Variants in MTUS1 observed in about 807,000 individuals in gnomAD.
MTUS1 encodes the protein microtubule associated scaffold protein 1.
Under a neutral mutation model 120.8 loss-of-function variants are expected in MTUS1, and 109 were observed. The ratio of observed to expected loss-of-function variants is 0.90; its 90% CI spans 0.77 to 1.06. MTUS1 has a LOEUF of 1.06. MTUS1 is among the 50% of genes least tolerant of loss of function. The probability of loss-of-function intolerance (pLI) is 0.00; values close to 1 mark genes in which losing one functional copy is unlikely to be tolerated. For missense variants in MTUS1, 2,210 were observed against 1,486.3 expected, an observed-to-expected ratio of 1.49 and a Z score of -8.01; for synonymous variants, 737 against 550.5, an observed-to-expected ratio of 1.34 and a Z score of -4.74.
chr8:17,690,556 AAC>A (rs1816749799), intron 6 of MTUS1, among the ~76,000 whole-genome samples: 3 of 152,190 alleles, frequency 2.0e-5, no homozygotes, highest in South Asian at 2.1e-4. Flanking sequence ...GGAAAAGAAA[AAC>A]ACAGACTATC....
intron 2 of MTUS1, among the ~76,000 whole-genome samples, chr8:17,748,658 G>A (rs1189005100): frequency 6.6e-6 from 1 of 152,170 alleles, no homozygotes; most frequent in South Asian, 2.1e-4. Flanking sequence ...GCTCCTGCCG[G>A]TGCTCAAAGT....
intron 14 of MTUS1, 26 bp downstream of exon 14, chr8:17,646,956 G>A: frequency 6.4e-7 from 1 of 1,572,686 alleles, no homozygotes; most frequent in African/African-American, 1.3e-5. Context: ...GGGAGCTCGG[G>A]AGAAACAGCA....
chr8:17,677,605 G>A (rs1313125408), intron 7 of MTUS1, among the ~76,000 whole-genome samples: 1 of 152,126 alleles, frequency 6.6e-6, no homozygotes, highest in African/African-American at 2.4e-5. Context: ...GAGGTTTTGG[G>A]AAAGGGAGTT....
At chr8:17,730,699 G>C (rs182604705) in intron 3 of MTUS1, among the ~76,000 whole-genome samples, 1 of 152,150 alleles carries the variant, frequency 6.6e-6, no homozygotes, top group Admixed American at 6.5e-5. Context: ...TGAACCTTGA[G>C]GACACGGTGC....
chr8:17,654,649 A>G lies in MTUS1; in HGVS notation c.3126T>C (p.Ala1042=). Residue 1042 remains alanine, a synonymous_variant, in exon 10 of 15, where the codon GCT becomes GCC. Transcript: ENST00000693296. The part of the protein sequence containing the change: ...QLQEQFDNLN[A]AHETSKLEIE... Reference sequence around the variant, plus strand: ...TTTCCAACTTAGAGGTTTCATGCGCAGCATTTAAGTTGTCAAACTGTAAGC... The same window carrying G: ...TTTCCAACTTAGAGGTTTCATGCGCGGCATTTAAGTTGTCAAACTGTAAGC... 1.9e-6 allele frequency: 3 copies of G among 1,613,844 alleles called. No homozygotes were observed. Among genetic ancestry groups the G allele is most frequent in the Non-Finnish European group, 2.5e-6 (3 of 1,179,646 alleles).
At chr8:17,724,012 A>G (rs2046028785) in intron 3 of MTUS1, 179 bp from the exon 4 acceptor site, 1 of 594,912 alleles carries the variant, frequency 1.7e-6, no homozygotes, top group Non-Finnish European at 2.9e-6. Context: ...TTTATTTTTG[A>G]TCATTTAGAG....
chr8:17,677,385 C>A (rs34174450), intron 7 of MTUS1, among the ~76,000 whole-genome samples: 3 of 151,920 alleles, frequency 2.0e-5, no homozygotes, highest in African/African-American at 7.3e-5. Flanking sequence ...ATTTGGTGAA[C>A]TTGCTTAAAA....
intron 8 of MTUS1, among the ~76,000 whole-genome samples, chr8:17,673,105 T>G (rs1812356297): frequency 6.6e-6 from 1 of 152,196 alleles, no homozygotes; most frequent in African/African-American, 2.4e-5. Context: ...TTCCTGATCT[T>G]CTAACTCTGT....
chr8:17,696,048 A>G (rs1486276814), intron 6 of MTUS1, among the ~76,000 whole-genome samples: 1 of 152,186 alleles, frequency 6.6e-6, no homozygotes, highest in Non-Finnish European at 1.5e-5. Context: ...GATCAGACAA[A>G]TTATTGCAAA....
chr8:17,669,234 C>G (rs537223504), intron 8 of MTUS1, among the ~76,000 whole-genome samples: 1 of 152,282 alleles, frequency 6.6e-6, no homozygotes, highest in South Asian at 2.1e-4. Context: ...GGGTGAAATT[C>G]AATTGAAGAT....
chr8:17,757,828 C>T (rs1349657631), intron 1 of MTUS1, among the ~76,000 whole-genome samples: 1 of 152,122 alleles, frequency 6.6e-6, no homozygotes, highest in African/African-American at 2.4e-5. Context: ...CGCCCGGCCA[C>T]TTTTGGGAAA....
At chr8:17,712,907 C>T (rs115770419) in intron 6 of MTUS1, among the ~76,000 whole-genome samples, 1,880 of 152,096 alleles carry the variant, frequency 0.012, 31 homozygotes, top group African/African-American at 0.044. Flanking sequence ...TAAGGAATAT[C>T]CAATTTCAAA....
chr8:17,672,641 C>T (rs1361541078), intron 8 of MTUS1, among the ~76,000 whole-genome samples: 1 of 152,180 alleles, frequency 6.6e-6, no homozygotes, highest in Admixed American at 6.5e-5. Flanking sequence ...CAAAACCCTT[C>T]TCCAAACGGA....
chr8:17,778,029 G>T (rs2050591089), intron 1 of MTUS1, among the ~76,000 whole-genome samples: 1 of 152,284 alleles, frequency 6.6e-6, no homozygotes, highest in Non-Finnish European at 1.5e-5. Context: ...GTGGGTGGGG[G>T]TATGGAGCTG....
intron 8 of MTUS1, among the ~76,000 whole-genome samples, chr8:17,664,294 T>C (rs1810413341): frequency 6.6e-6 from 1 of 152,042 alleles, no homozygotes; most frequent in South Asian, 2.1e-4. Flanking sequence ...AACTAAAATA[T>C]AAAAAAGAAA....
chr8:17,653,526 G>A (rs1807513021), intron 10 of MTUS1, 28 bp from the exon 11 acceptor site: 1 of 1,514,768 alleles, frequency 6.6e-7, no homozygotes. Flanking sequence ...TATTTTTGAG[G>A]CAATAACATT....
At chr8:17,691,365 C>T (rs1345558056) in intron 6 of MTUS1, 1 of 152,208 alleles carries the variant, frequency 6.6e-6, no homozygotes, top group Non-Finnish European at 1.5e-5. Flanking sequence ...AAAGCTGTAA[C>T]TACAAAAGGG....
rs375223801 is a variant in MTUS1 at position 17,754,139 on chromosome 8, G to T, written c.1669C>A (p.Pro557Thr). 1.9e-5 allele frequency: 30 copies of T among 1,613,656 alleles called. No individual in the cohort carries two copies. The highest frequency in any genetic ancestry group is 2.5e-5 in the Non-Finnish European group (29 of 1,180,026). Residue 557 changes from proline (P) to threonine (T), a missense_variant, in exon 2 of 15, where the codon CCG becomes ACG. Pro to Thr is a conservative substitution (Grantham distance 38). Transcript: ENST00000693296. ...TTGTCTGCATTCAAGTCAGATCTCG[G>T]TGTTCTGCTCAAGACTGTTTGTTGT... ...SRQQTVLSRT[P>T]RSDLNADKKA...
At chr8:17,674,718 C>A in intron 8 of MTUS1, 2 of 994,928 alleles carry the variant, frequency 2.0e-6, no homozygotes, top group Non-Finnish European at 2.4e-6. Context: ...TAGCATAGAA[C>A]GTGCCTTTTT....
Sources: allele counts gnomAD v4.1 joint callset (sites outside exome capture counted in the v4.1 genomes callset), GRCh38; gene constraint gnomAD v4.1.1; transcripts MANE v1.5; gene names NCBI Gene and HGNC (gene_info 2026-07-23, HGNC 2026-07-21).